The following EYS variants were observed in gnomAD, a reference collection of about 807,000 sequenced individuals.
EYS encodes EGF-like photoreceptor maintenance factor.
EYS carries 250 observed loss-of-function variants against 282.1 expected under a neutral mutation model. That is an observed-to-expected ratio of 0.89 (90% CI 0.80 to 0.98). EYS has a LOEUF of 0.98. Among genes scored for constraint, EYS ranks in the 50% least tolerant of loss-of-function variants. The pLI, the probability that EYS is intolerant of heterozygous loss-of-function variation, is 0.00. For missense variants in EYS, 4,016 were observed against 3,709.0 expected, an observed-to-expected ratio of 1.08 and a Z score of -2.15; for synonymous variants, 1,355 against 1,282.9, an observed-to-expected ratio of 1.06 and a Z score of -1.20.
chr6:64,888,071 T>C (rs1319465715), intron 18 of EYS, among the ~76,000 whole-genome samples: 2 of 152,038 alleles, frequency 1.3e-5, no homozygotes, highest in African/African-American at 4.8e-5. Context: ...GAGTATTTCA[T>C]TGTTTATGTA....
intron 2 of EYS, among the ~76,000 whole-genome samples, chr6:65,615,126 T>A (rs971620): frequency 0.34 from 51,766 of 152,014 alleles, 10,332 homozygotes; most frequent in African/African-American, 0.57. Context: ...TGTCTGCAAG[T>A]AGGTTAATTG....
chr6:65,454,898 G>T (rs1764544043), intron 5 of EYS, among the ~76,000 whole-genome samples: 1 of 151,944 alleles, frequency 6.6e-6, no homozygotes, highest in Admixed American at 6.6e-5. Flanking sequence ...TGCTCTTTTG[G>T]TTACTTTAGT....
chr6:63,774,504 AT>A (rs1391517389), intron 40 of EYS, among the ~76,000 whole-genome samples: 1 of 152,102 alleles, frequency 6.6e-6, no homozygotes, highest in African/African-American at 2.4e-5. Flanking sequence ...ACATCTGCAT[AT>A]TGTCCTCAGT....
intron 31 of EYS, among the ~76,000 whole-genome samples, chr6:64,106,705 G>A (rs1001733350): frequency 6.6e-5 from 10 of 151,576 alleles, no homozygotes; most frequent in Non-Finnish European, 1.0e-4. Context: ...CTGGGTTTGC[G>A]GTTTGATGTC....
intron 12 of EYS, among the ~76,000 whole-genome samples, chr6:65,267,261 C>A (rs1303769181): frequency 6.6e-6 from 1 of 151,800 alleles, no homozygotes; most frequent in Non-Finnish European, 1.5e-5. Flanking sequence ...ATTAATTCTG[C>A]AATTTTCTTT....
rs1427178681 is a variant in EYS, at chr6:64,591,330, G to C, written c.4537C>G (p.Leu1513Val). The C allele has an allele frequency of 6.4e-7, 1 of 1,551,380 alleles. No individual in the cohort carries two copies. The highest frequency in any genetic ancestry group is 8.7e-7 in the Non-Finnish European group (1 of 1,146,798). Reference sequence around the variant, plus strand: ...AAGGCTTTTGTACTGAACCGGTGCAGAGCTGATGAGTTTAAGATGGTTACC... The same window carrying C: ...AAGGCTTTTGTACTGAACCGGTGCACAGCTGATGAGTTTAAGATGGTTACC... The part of the protein sequence containing the change: ...KQVTILNSSA[L>V]HRFSTKAFNP... Residue 1513 changes from leucine to valine, a missense_variant, in exon 26 of 43, where the codon CTG becomes GTG. By Grantham distance (32) the Leu-to-Val change is conservative. Transcript: ENST00000503581.
At chr6:65,637,133 T>G (rs1411066079) in intron 2 of EYS, among the ~76,000 whole-genome samples, 1 of 152,222 alleles carries the variant, frequency 6.6e-6, no homozygotes, top group East Asian at 1.9e-4. Context: ...CATTTATTTA[T>G]TATTTACTAT....
chr6:64,855,863 C>T (rs1766043026), intron 19 of EYS, among the ~76,000 whole-genome samples: 1 of 152,128 alleles, frequency 6.6e-6, no homozygotes, highest in African/African-American at 2.4e-5. Context: ...TAGAATCATA[C>T]ATTATGTACT....
chr6:64,190,694 A>G (rs1765076492), intron 31 of EYS, among the ~76,000 whole-genome samples: 1 of 152,084 alleles, frequency 6.6e-6, no homozygotes, highest in Non-Finnish European at 1.5e-5. Flanking sequence ...TTTGGCTCCC[A>G]CTGCAATTTT....
intron 30 of EYS, among the ~76,000 whole-genome samples, chr6:64,232,257 A>C (rs1026219246): frequency 3.3e-5 from 5 of 152,030 alleles, no homozygotes; most frequent in Non-Finnish European, 7.4e-5. Context: ...TGGTGGGATG[A>C]CTTCTGTGCT....
intron 26 of EYS, among the ~76,000 whole-genome samples, chr6:64,539,265 G>T (rs1471982852): frequency 6.6e-6 from 1 of 152,216 alleles, no homozygotes; most frequent in East Asian, 1.9e-4. Flanking sequence ...TTTACCACAG[G>T]TTTTAAAAGT....
intron 1 of EYS, among the ~76,000 whole-genome samples, chr6:65,695,393 C>T (rs1048415371): frequency 7.9e-5 from 12 of 152,062 alleles, no homozygotes; most frequent in Non-Finnish European, 1.6e-4. Context: ...AATTAAAACA[C>T]AATTCTGTTA....
intron 2 of EYS, among the ~76,000 whole-genome samples, chr6:65,614,675 A>C (rs1766121954): frequency 6.6e-6 from 1 of 152,116 alleles, no homozygotes; most frequent in South Asian, 2.1e-4. Flanking sequence ...TTATATTATT[A>C]GATAGAGAAA....
intron 2 of EYS, among the ~76,000 whole-genome samples, chr6:65,508,737 C>G (rs539081404): frequency 8.6e-4 from 130 of 151,522 alleles, no homozygotes; most frequent in African/African-American, 3.0e-3. Flanking sequence ...AGAAAGTATA[C>G]AGGGGGCTAG....
At chr6:64,761,755 GA>G (rs1773167420) in intron 22 of EYS, among the ~76,000 whole-genome samples, 1 of 152,058 alleles carries the variant, frequency 6.6e-6, no homozygotes, top group East Asian at 1.9e-4. Flanking sequence ...ACACCTGGCT[GA>G]TTAGTATTAA....
intron 12 of EYS, among the ~76,000 whole-genome samples, chr6:65,256,573 T>A (rs2150254917): frequency 1.2e-5 from 1 of 85,038 alleles, no homozygotes; most frequent in Middle Eastern, 4.8e-3. Context: ...TCCAATTTCA[T>A]CCATGTCCCT....
intron 12 of EYS, among the ~76,000 whole-genome samples, chr6:65,210,436 T>C (rs1431935279): frequency 6.6e-6 from 1 of 152,000 alleles, no homozygotes; most frequent in African/African-American, 2.4e-5. Flanking sequence ...AGGCATAATA[T>C]CTGGTAAAAT....
rs2149831446 is a variant in EYS, at chr6:64,590,724, C to T, written c.5143G>A (p.Glu1715Lys). ...RQYGITMGPT[E>K]VLNQESLLDM... ...AATAAGCTCTCTTGATTTAGTACCT[C>T]AGTGGGTCCCATAGTTATGCCATAT... Residue 1715 changes from glutamate (E) to lysine (K), a missense_variant, in exon 26 of 43, where the codon GAG (glutamate) becomes AAG (lysine). By Grantham distance (56) the Glu-to-Lys change is moderately conservative. Transcript: ENST00000503581. The T allele has an allele frequency of 6.4e-7, 1 of 1,551,042 alleles. No homozygotes were observed.
At chr6:65,332,183 G>A (rs1769819957) in intron 11 of EYS, 2 of 474,112 alleles carry the variant, frequency 4.2e-6, no homozygotes, top group South Asian at 3.9e-5. Context: ...TTCTTTATTT[G>A]TTGAGTGTTT....
Sources: gnomAD v4.1 joint callset for allele counts (sites outside exome capture counted in the v4.1 genomes callset) on GRCh38, gnomAD v4.1.1 for gene constraint, MANE v1.5 for transcripts, NCBI Gene and HGNC (gene_info 2026-07-23, HGNC 2026-07-21) for gene names.